C16orf96: variants seen among roughly 807,000 people sequenced by gnomAD.
C16orf96 encodes the protein chromosome 16 open reading frame 96.
Under a neutral mutation model 103.6 loss-of-function variants are expected in C16orf96, and 108 were observed. The ratio of observed to expected loss-of-function variants is 1.04; its 90% confidence interval spans 0.89 to 1.22. The LOEUF is 1.22. Among genes scored for constraint, C16orf96 ranks in the 50% most tolerant of loss-of-function variants. C16orf96 has a pLI of 0.00. For missense variants in C16orf96, 1,586 were observed against 1,464.2 expected (o/e 1.08, Z -1.36); for synonymous variants, 566 against 593.5 (o/e 0.95, Z 0.67).
intron 14 of C16orf96, among the ~76,000 whole-genome samples, chr16:4,596,773 C>T (rs542016957): frequency 1.3e-5 from 2 of 152,294 alleles, no homozygotes; most frequent in Admixed American, 1.3e-4. Flanking sequence ...TTGATCCTCC[C>T]GCTGTCCTGG....
the C16orf96 span, among the ~76,000 whole-genome samples, chr16:4,546,457 C>CT: frequency 0.024 from 2,515 of 104,540 alleles, 124 homozygotes; most frequent in African/African-American, 0.079. Flanking sequence ...CGCGCCCGGA[C>CT]TTTTTTTTTT....
chr16:4,593,226 A>T lies in C16orf96; in HGVS notation c.2777A>T (p.Gln926Leu). The change falls in exon 12 of 16, where the codon CAG becomes CTG. Residue 926 changes from glutamine to leucine, a missense_variant and splice_region_variant. By Grantham distance (113) the Gln-to-Leu change is moderately radical (BLOSUM62 -2). Coordinates refer to ENST00000444310, the MANE Select transcript of C16orf96 (RefSeq NM_001145011.2). The surrounding 1 kb of genome is among the most constrained non-coding windows in gnomAD (Gnocchi z 4.2). ...GCTGTGCCCTTGTCCTCCAACAGAC[A>T]GCTGATCACCATCCGCAAAGCCCAC... is the stretch of plus-strand genomic sequence containing the variant. ...DRPVEMMTGP[Q>L]LITIRKAHLL... 1 of 1,551,112 alleles carries T rather than the reference A, an allele frequency of 6.4e-7. No individual in the cohort carries two copies. The highest frequency in any genetic ancestry group is 8.7e-7 in the Non-Finnish European group (1 of 1,146,808).
chr16:4,546,838 A>G, the C16orf96 span, among the ~76,000 whole-genome samples: 1 of 152,350 alleles, frequency 6.6e-6, no homozygotes, highest in East Asian at 1.9e-4. Context: ...TGTGATCTCC[A>G]TATAATGGAA....
intron 7 of C16orf96, among the ~76,000 whole-genome samples, chr16:4,583,226 A>G (rs999622960): frequency 3.3e-5 from 5 of 151,890 alleles, no homozygotes; most frequent in South Asian, 2.1e-4. Context: ...CAACAAGAGC[A>G]AAACTCCATC....
At chr16:4,584,708 A>G (rs1896877506) in intron 7 of C16orf96, among the ~76,000 whole-genome samples, 1 of 151,878 alleles carries the variant, frequency 6.6e-6, no homozygotes, top group Non-Finnish European at 1.5e-5. Context: ...CTAATTTTTT[A>G]TTTTGAGTAG....
intron 1 of C16orf96, among the ~76,000 whole-genome samples, chr16:4,558,758 T>A (rs571662493): frequency 2.6e-5 from 4 of 151,788 alleles, no homozygotes; most frequent in African/African-American, 9.7e-5. Flanking sequence ...CTACTAAAAA[T>A]ACAAAAATTA....
At chr16:4,539,390 A>T in the C16orf96 span, among the ~76,000 whole-genome samples, 1 of 152,206 alleles carries the variant, frequency 6.6e-6, no homozygotes, top group Admixed American at 6.5e-5. Context: ...AAGATTAGAC[A>T]TTATAGTTTA....
At chr16:4,541,447 G>A in the C16orf96 span, among the ~76,000 whole-genome samples, 1 of 152,146 alleles carries the variant, frequency 6.6e-6, no homozygotes, top group Non-Finnish European at 1.5e-5. Flanking sequence ...GGTGGCACTC[G>A]CCTTCTATCC....
chr16:4,577,923 G>C (rs183368242), intron 5 of C16orf96, among the ~76,000 whole-genome samples: 1 of 152,138 alleles, frequency 6.6e-6, no homozygotes, highest in South Asian at 2.1e-4. Flanking sequence ...TGCCACTCCC[G>C]CCTGGGCGAT....
chr16:4,540,246 G>T, the C16orf96 span, among the ~76,000 whole-genome samples: 3,435 of 152,296 alleles, frequency 0.023, 72 homozygotes, highest in Middle Eastern at 0.037. Context: ...TTACGGGGTG[G>T]TGCCACTAGA....
At chr16:4,556,049 C>T (rs555638412), upstream of C16orf96, among the ~76,000 whole-genome samples, 1 of 152,184 alleles carries the variant, frequency 6.6e-6, no homozygotes, top group African/African-American at 2.4e-5. Context: ...GTCTTCCTAA[C>T]TCCAAGAAAC....
intron 5 of C16orf96, 149 bp from the exon 6 acceptor site, chr16:4,578,791 A>T: frequency 4.3e-6 from 2 of 461,052 alleles, no homozygotes; most frequent in Non-Finnish European, 7.9e-6. Flanking sequence ...ATGAAGAAAT[A>T]AATAAAAAGG....
chr16:4,556,534 C>T lies in C16orf96; in HGVS notation c.45C>T (p.Ile15=), dbSNP rs1275563198. 1.9e-6 allele frequency: 3 copies of T among 1,544,096 alleles called. No homozygotes were observed. In the South Asian group the frequency reaches 3.6e-5, roughly 18 times the overall value. Residue 15 remains isoleucine (I), a synonymous_variant, in exon 1 of 16, where the codon ATC becomes ATT. Transcript: ENST00000444310. ...TCACCGAGCTGGCCAACATCGCCAT[C>T]CCACAGTGCGGGGTGCTGAACTTCA... ...LTFTELANIA[I]PQCGVLNFKA... is the part of the protein sequence containing the mutation.
Position 4,600,209 on chromosome 16 carries a change from A to G in C16orf96, c.3318A>G (p.Pro1106=). 2 of 1,551,008 alleles carry G rather than the reference A, an allele frequency of 1.3e-6. No homozygotes were observed. Among genetic ancestry groups the G allele is most frequent in the Non-Finnish European group, 1.7e-6 (2 of 1,146,814 alleles). The change falls in exon 16 of 16, where the codon CCA becomes CCG. Residue 1106 remains proline (P), a synonymous_variant. Coordinates refer to ENST00000444310, the MANE Select transcript of C16orf96 (RefSeq NM_001145011.2). The part of the protein sequence containing the change: ...PPLLLLPPLI[P]SLRDPQQAPG... ...TGCTGCTGCTGCCACCGCTGATTCC[A>G]TCCCTAAGGGACCCCCAGCAGGCCC...
chr16:4,573,507 T>C (rs1234408208), intron 2 of C16orf96, among the ~76,000 whole-genome samples: 2 of 148,722 alleles, frequency 1.3e-5, no homozygotes, highest in Admixed American at 1.3e-4. Context: ...AATCTCAGCA[T>C]TTTGGGAGGC....
At chr16:4,555,626 C>T (rs1453902755), upstream of C16orf96, among the ~76,000 whole-genome samples, 1 of 152,072 alleles carries the variant, frequency 6.6e-6, no homozygotes, top group Admixed American at 6.6e-5. Context: ...CCGCCTTGGC[C>T]TCCCAGAGTG....
At chr16:4,579,612 T>G (rs1179091499) in intron 6 of C16orf96, among the ~76,000 whole-genome samples, 1 of 51,068 alleles carries the variant, frequency 2.0e-5, no homozygotes, top group Non-Finnish European at 3.8e-5. Context: ...GTCTGATACC[T>G]TATTTTTTTT....
chr16:4,565,439 A>G (rs1178448104), intron 1 of C16orf96, among the ~76,000 whole-genome samples: 1 of 152,196 alleles, frequency 6.6e-6, no homozygotes, highest in African/African-American at 2.4e-5. Flanking sequence ...GAAACCTCTC[A>G]CTGCATATCA....
At chr16:4,574,023 G>A (rs534094461) in intron 2 of C16orf96, among the ~76,000 whole-genome samples, 16 of 151,694 alleles carry the variant, frequency 1.1e-4, no homozygotes, top group Middle Eastern at 6.8e-3. Flanking sequence ...TAGTGGAGGT[G>A]GGGGCTTCAC....
Sources: allele counts gnomAD v4.1 joint callset (sites outside exome capture counted in the v4.1 genomes callset), GRCh38; gene constraint gnomAD v4.1.1; non-coding constraint Gnocchi (gnomAD v3.1); transcripts MANE v1.5; gene names NCBI Gene and HGNC (gene_info 2026-07-23, HGNC 2026-07-21).